SGPP2: variants seen among roughly 807,000 people sequenced by gnomAD.
The protein encoded by SGPP2 is sphingosine 1-phosphate phosphohydrolase 2.
In SGPP2, 30 loss-of-function variants were observed where a neutral mutation model predicts 33.9. That is an observed-to-expected ratio of 0.89 (90% CI 0.66 to 1.20). SGPP2 has a LOEUF of 1.20. Ranked by LOEUF, SGPP2 falls within the 50% of genes most tolerant of loss-of-function variation. SGPP2 has a pLI of 0.00. For missense variants in SGPP2, 458 were observed against 532.1 expected, an observed-to-expected ratio of 0.86 and a Z score of 1.37; for synonymous variants, 233 against 225.0, an observed-to-expected ratio of 1.04 and a Z score of -0.32.
intron 2 of SGPP2, 121 bp downstream of exon 2, chr2:222,474,847 A>G (rs1697906742): frequency 5.9e-6 from 5 of 846,316 alleles, no homozygotes; most frequent in Middle Eastern, 3.7e-4. Context: ...TTAGAGTTGA[A>G]TTTGTTGCCT....
intron 2 of SGPP2, among the ~76,000 whole-genome samples, chr2:222,499,545 C>T (rs1011824245): frequency 1.1e-4 from 16 of 151,998 alleles, no homozygotes; most frequent in Non-Finnish European, 2.2e-4. Context: ...TGGGAGAAAC[C>T]TTATAATGAA....
intron 2 of SGPP2, among the ~76,000 whole-genome samples, chr2:222,521,503 C>CGTAA (rs112468322): frequency 0.079 from 12,073 of 152,154 alleles, 1,105 homozygotes; most frequent in African/African-American, 0.22. Flanking sequence ...ATATAAGCTA[C>CGTAA]GTGTTTGTTA....
intron 4 of SGPP2, among the ~76,000 whole-genome samples, chr2:222,555,081 G>T (rs1012440272): frequency 7.2e-5 from 11 of 151,854 alleles, no homozygotes; most frequent in African/African-American, 2.7e-4. Flanking sequence ...ATCTTTTCAA[G>T]AATGTTATCT....
chr2:222,442,363 A>G (rs1268585617), intron 1 of SGPP2, among the ~76,000 whole-genome samples: 1 of 152,230 alleles, frequency 6.6e-6, no homozygotes, highest in Non-Finnish European at 1.5e-5. Context: ...CAGTGGTTGA[A>G]GTAAAGGAAT....
At chr2:222,523,555 C>A (rs1382328287) in intron 3 of SGPP2, among the ~76,000 whole-genome samples, 1 of 152,198 alleles carries the variant, frequency 6.6e-6, no homozygotes, top group Non-Finnish European at 1.5e-5. Flanking sequence ...TTAAAAAATT[C>A]TCCTCAACTT....
In SGPP2 at chr2:222,509,984, A is replaced by G. The variant is rs114863531; in HGVS notation, c.379-11783A>G. 8.7e-3 allele frequency among the ~76,000 whole-genome samples: 1,318 copies of G among 152,302 alleles called. 7 individuals carry two copies. The highest frequency in any genetic ancestry group is 0.013 in the Non-Finnish European group (896 of 68,008). On this transcript the variant is annotated intron_variant, in intron 2 of 4. Coordinates refer to ENST00000321276, the MANE Select transcript of SGPP2 (RefSeq NM_152386.4). ...ACATTTCATGTAAATGGAATCATAC[A>G]ATGTGTGTCCTTCGTGTTTGACTTC...
At position 222,460,603 on chromosome 2, in the gene SGPP2, T is replaced by G. The variant is rs981083007; in HGVS notation, c.220-13965T>G. 1.3e-5 allele frequency among the ~76,000 whole-genome samples: 2 copies of G among 152,172 alleles called. No individual in the cohort carries two copies. The highest frequency in any genetic ancestry group is 2.9e-5 in the Non-Finnish European group (2 of 68,030). On this transcript the variant is annotated intron_variant, in intron 1 of 4. Transcript: ENST00000321276. The surrounding 1 kb of genome is among the most constrained non-coding windows in gnomAD (Gnocchi z 4.3). Reference sequence around the variant, plus strand: ...TCCAGCACTTTCAAAGGCTCCCTATTACCCAAGTTCTAAACCCAGCCTCCT... The same window carrying G: ...TCCAGCACTTTCAAAGGCTCCCTATGACCCAAGTTCTAAACCCAGCCTCCT...
intron 1 of SGPP2, among the ~76,000 whole-genome samples, chr2:222,466,243 C>T (rs1337247266): frequency 1.4e-5 from 2 of 145,372 alleles, no homozygotes; most frequent in Non-Finnish European, 3.0e-5. Context: ...AAAAACTTTG[C>T]TGTTTTCAAC....
chr2:222,538,019 C>T (rs1388261829), intron 4 of SGPP2, among the ~76,000 whole-genome samples: 1 of 152,160 alleles, frequency 6.6e-6, no homozygotes, highest in East Asian at 1.9e-4. Context: ...CTGTTGCATG[C>T]AACATGTTGA....
rs1259849888 is a variant in SGPP2 at position 222,562,287 on chromosome 2, C to T, written c.*3389C>T. On this transcript the variant is annotated 3_prime_UTR_variant, in exon 5 of 5. Coordinates refer to ENST00000321276, the MANE Select transcript of SGPP2 (RefSeq NM_152386.4). ...TGCAATCTTCATCTAAAACAGCTCT[C>T]ATTTCATGCCAGTTTTGCTCAAACC... Among the ~76,000 whole-genome samples, 1 of 152,228 alleles carries T rather than the reference C, an allele frequency of 6.6e-6. No individual in the cohort carries two copies. Among genetic ancestry groups the T allele is most frequent in the Non-Finnish European group, 1.5e-5 (1 of 68,048 alleles).
intron 3 of SGPP2, among the ~76,000 whole-genome samples, chr2:222,523,671 T>G (rs1157707975): frequency 1.4e-4 from 21 of 151,896 alleles, no homozygotes; most frequent in Admixed American, 1.4e-3. Flanking sequence ...CATAAACAGC[T>G]CTAAATATTG....
At chr2:222,496,422 A>G (rs61087225) in intron 2 of SGPP2, among the ~76,000 whole-genome samples, 2,961 of 152,290 alleles carry the variant, frequency 0.019, 90 homozygotes, top group African/African-American at 0.067. Context: ...CATTCCCTCC[A>G]TTCAGGCCTG....
At chr2:222,454,950 G>T (rs1226428142) in intron 1 of SGPP2, among the ~76,000 whole-genome samples, 2 of 152,124 alleles carry the variant, frequency 1.3e-5, no homozygotes, top group African/African-American at 4.8e-5. Flanking sequence ...AATGCTTACT[G>T]CGTGGTGGGC....
At chr2:222,484,089 GA>G (rs1698068883) in intron 2 of SGPP2, among the ~76,000 whole-genome samples, 1 of 152,126 alleles carries the variant, frequency 6.6e-6, no homozygotes. Context: ...ACACAATAAG[GA>G]AAAGGTTTGG....
intron 4 of SGPP2, among the ~76,000 whole-genome samples, chr2:222,540,423 C>G (rs996837573): frequency 6.6e-6 from 1 of 152,160 alleles, no homozygotes; most frequent in Non-Finnish European, 1.5e-5. Flanking sequence ...TGAACCTGTA[C>G]TGCATAAATA....
Position 222,460,762 on chromosome 2 carries a change from C to T in SGPP2, c.220-13806C>T, listed in dbSNP as rs1298388125. ...CAGGTACTGTTTCAGGAACACGGTG[C>T]CTCACAGCTTCCATGCCTCTCCTCT... On this transcript the variant is annotated intron_variant, in intron 1 of 4. Transcript: ENST00000321276. The surrounding 1 kb of genome is among the most constrained non-coding windows in gnomAD (Gnocchi z 4.3). Among the ~76,000 whole-genome samples the T allele has an allele frequency of 6.6e-6, 1 of 152,112 alleles. No homozygotes were observed. The highest frequency in any genetic ancestry group is 1.5e-5 in the Non-Finnish European group (1 of 68,032).
At chr2:222,461,825 C>T (rs576923644) in intron 1 of SGPP2, among the ~76,000 whole-genome samples, 37 of 152,268 alleles carry the variant, frequency 2.4e-4, no homozygotes, top group Middle Eastern at 6.8e-3. Flanking sequence ...CAGTCCATGG[C>T]CCAGGGGTTG....
At chr2:222,434,319 A>T (rs1304069530) in intron 1 of SGPP2, among the ~76,000 whole-genome samples, 1 of 152,178 alleles carries the variant, frequency 6.6e-6, no homozygotes, top group Non-Finnish European at 1.5e-5. Context: ...ATAATTGTAT[A>T]TGTTTATGGG....
intron 4 of SGPP2, among the ~76,000 whole-genome samples, chr2:222,540,169 A>G (rs1232159953): frequency 6.6e-6 from 1 of 152,194 alleles, no homozygotes; most frequent in African/African-American, 2.4e-5. Context: ...AGATTTTTGA[A>G]TATTTGAAAG....
Sources: gnomAD v4.1 joint callset for allele counts (sites outside exome capture counted in the v4.1 genomes callset) on GRCh38, gnomAD v4.1.1 for gene constraint, Gnocchi (gnomAD v3.1) non-coding constraint, MANE v1.5 for transcripts, NCBI Gene and HGNC (gene_info 2026-07-23, HGNC 2026-07-21) for gene names.